MLYCD: variants seen among roughly 807,000 people sequenced by gnomAD.
The protein encoded by MLYCD is malonyl-CoA decarboxylase, mitochondrial.
A neutral mutation model predicts 35.8 loss-of-function variants in MLYCD; 27 were observed. That is an observed-to-expected ratio of 0.75 (90% CI 0.56 to 1.04). The LOEUF (loss-of-function observed/expected upper bound fraction) is 1.04. MLYCD is among the 50% of genes least tolerant of loss of function. The pLI is 0.00. For missense variants in MLYCD, 917 were observed against 665.1 expected (o/e 1.38, Z -4.17); for synonymous variants, 403 against 302.4 (o/e 1.33, Z -3.45).
At chr16:83,912,389 C>T in intron 4 of MLYCD, 22 bp downstream of exon 4, 2 of 1,613,904 alleles carry the variant, frequency 1.2e-6, no homozygotes, top group Non-Finnish European at 1.7e-6. Context: ...GCAGGGAGCC[C>T]CGGTCACGCT....
chr16:83,907,926 T>G (rs895985986), intron 2 of MLYCD, among the ~76,000 whole-genome samples, 200 bp from the exon 3 acceptor site: 2 of 152,236 alleles, frequency 1.3e-5, no homozygotes, highest in African/African-American at 4.8e-5. Context: ...CAATTTTGTG[T>G]GTAAAATGGT....
chr16:83,902,574 C>G (rs1906835524), intron 1 of MLYCD, among the ~76,000 whole-genome samples: 1 of 144,882 alleles, frequency 6.9e-6, no homozygotes, highest in African/African-American at 2.5e-5. Context: ...AGCACAATCT[C>G]TGCTCATTGC....
chr16:83,908,216 G>A lies in MLYCD; in HGVS notation c.732G>A (p.Ser244=), dbSNP rs2278038. The change falls in exon 3 of 5, where the codon TCG becomes TCA. Residue 244 remains serine (S), a synonymous_variant. Transcript: ENST00000262430. The part of the protein sequence containing the change: ...YRRCYFFSHC[S]TPGEPLVVLH... ...GGTGTTACTTCTTTTCTCACTGTTCGACCCCTGGGGAGCCCCTGGTCGTTT... is the reference window on the plus strand; with the variant it reads ...GGTGTTACTTCTTTTCTCACTGTTCAACCCCTGGGGAGCCCCTGGTCGTTT... 81,531 of 1,614,072 alleles carry A rather than the reference G, an allele frequency of 0.051. 2,628 individuals carry two copies. Among genetic ancestry groups the A allele is most frequent in the East Asian group, 0.14 (6,169 of 44,868 alleles).
intron 3 of MLYCD, 90 bp from the exon 4 acceptor site, chr16:83,912,128 G>A (rs1024744287): frequency 2.9e-5 from 45 of 1,572,908 alleles, no homozygotes; most frequent in South Asian, 2.6e-4. Flanking sequence ...TCAGTGCTCT[G>A]AGAATTGTCT....
At chr16:83,904,240 T>C (rs1402401913) in intron 1 of MLYCD, among the ~76,000 whole-genome samples, 2 of 152,182 alleles carry the variant, frequency 1.3e-5, no homozygotes, top group Admixed American at 1.3e-4. Flanking sequence ...AGAGCTCAGC[T>C]CATCCGTTCC....
chr16:83,901,745 A>C (rs1396019985), intron 1 of MLYCD, among the ~76,000 whole-genome samples: 1 of 152,236 alleles, frequency 6.6e-6, no homozygotes, highest in Non-Finnish European at 1.5e-5. Flanking sequence ...TGTTGAGAGA[A>C]AGGAGCTGGC....
chr16:83,915,709 A>G lies in MLYCD; in HGVS notation c.*220A>G, dbSNP rs576158206. On this transcript the variant is annotated 3_prime_UTR_variant, in exon 5 of 5. Transcript: ENST00000262430. ...ACGGTTGTGGGTGCGGGTGCACACA[A>G]ATGAGTGGGTTGCTGTGCTGTCTCC... The G allele has an allele frequency of 7.1e-5, 101 of 1,430,460 alleles. No homozygotes were observed. In the African/African-American group the frequency reaches 1.4e-3, roughly 19 times the overall value. The allele number at this position is 1,430,460 out of a possible 1,614,324, so 88.6% of individuals were successfully genotyped here. A position where few individuals can be genotyped will look rare whatever the true frequency, so the allele number is the denominator to read the frequency against.
intron 3 of MLYCD, among the ~76,000 whole-genome samples, chr16:83,910,690 CAA>C (rs113252752): frequency 4.8e-4 from 45 of 93,426 alleles, no homozygotes; most frequent in African/African-American, 3.3e-4. Flanking sequence ...GACTCCATCT[CAA>C]AAAAAAAAAA....
chr16:83,903,057 A>G (rs1906854090), intron 1 of MLYCD, among the ~76,000 whole-genome samples: 1 of 152,142 alleles, frequency 6.6e-6, no homozygotes. Flanking sequence ...AGTGAAACCG[A>G]GTCGAATCCC....
At chr16:83,912,448 A>G (rs1907214348) in intron 4 of MLYCD, 81 bp downstream of exon 4, 4 of 1,576,708 alleles carry the variant, frequency 2.5e-6, no homozygotes, top group Non-Finnish European at 3.5e-6. Context: ...GTCAGGTGCC[A>G]TGAGGGACAC....
intron 1 of MLYCD, among the ~76,000 whole-genome samples, chr16:83,902,531 A>G (rs1165280459): frequency 1.5e-5 from 2 of 130,270 alleles, no homozygotes; most frequent in Non-Finnish European, 3.2e-5. Flanking sequence ...TTTGAGACAG[A>G]GTCTTGCTCT....
rs1282001406 is a variant in MLYCD, at chr16:83,922,783, C to T, written c.*7294C>T. Reference sequence around the variant, plus strand: ...CATCCTGCTCACCTGAATGCGGGTTCTGGGATCTTTCAGTCCTTATTTGGA... The same window carrying T: ...CATCCTGCTCACCTGAATGCGGGTTTTGGGATCTTTCAGTCCTTATTTGGA... On this transcript the variant is annotated 3_prime_UTR_variant, in exon 5 of 5. Transcript: ENST00000262430. 1.3e-5 allele frequency: 2 copies of T among 152,298 alleles called. No homozygotes were observed. Among genetic ancestry groups the T allele is most frequent in the Non-Finnish European group, 2.9e-5 (2 of 68,074 alleles). 9.4% of individuals were successfully genotyped at this position (152,298 alleles called of 1,614,324 possible).
In MLYCD at chr16:83,915,086, G is replaced by A; in HGVS notation, c.1079G>A (p.Cys360Tyr). ...AATGAACTCTTTACAGATTCGGAAT[G>A]TAAGGAAATCTCGGAGATCACAGGT... is the stretch of plus-strand genomic sequence containing the variant. The part of the protein sequence containing the change: ...GRNELFTDSE[C>Y]KEISEITGGP... Residue 360 changes from cysteine to tyrosine, a missense_variant, in exon 5 of 5, where the codon TGT becomes TAT. By Grantham distance (194) the Cys-to-Tyr change is radical. Coordinates refer to ENST00000262430, the MANE Select transcript of MLYCD (RefSeq NM_012213.3). 6.2e-7 allele frequency: 1 copy of A among 1,614,256 alleles called. No individual in the cohort carries two copies. The highest frequency in any genetic ancestry group is 2.2e-5 in the East Asian group (1 of 44,880).
rs1907557152 is a variant in MLYCD at position 83,919,229 on chromosome 16, C to G, written c.*3740C>G. The G allele has an allele frequency of 6.9e-6, 1 of 145,436 alleles. No individual in the cohort carries two copies. Among genetic ancestry groups the G allele is most frequent in the Non-Finnish European group, 1.5e-5 (1 of 67,442 alleles). The allele number at this position is 145,436 out of a possible 1,614,324, so 9.0% of individuals were successfully genotyped here. Reference sequence around the variant, plus strand: ...GGAGAACACAGTGCACAGGAGAACACACACACACACTGCACAGGAGACCAT... The same window carrying G: ...GGAGAACACAGTGCACAGGAGAACAGACACACACACTGCACAGGAGACCAT... On this transcript the variant is annotated 3_prime_UTR_variant, in exon 5 of 5. Coordinates refer to ENST00000262430, the MANE Select transcript of MLYCD (RefSeq NM_012213.3).
chr16:83,899,326 C>T lies in MLYCD; in HGVS notation c.182C>T (p.Pro61Leu). 1 of 1,501,996 alleles carries T rather than the reference C, an allele frequency of 6.7e-7. No homozygotes were observed. The highest frequency in any genetic ancestry group is 8.8e-7 in the Non-Finnish European group (1 of 1,132,772). 93.0% of individuals were successfully genotyped at this position (1,501,996 alleles called of 1,614,324 possible). Residue 61 changes from proline to leucine, a missense_variant, in exon 1 of 5, where the codon CCG becomes CTG. Pro to Leu is a moderately conservative substitution (Grantham distance 98, BLOSUM62 -3). Coordinates refer to ENST00000262430, the MANE Select transcript of MLYCD (RefSeq NM_012213.3). ...TPAYELREKT[P>L]APAEGQCADF... ...GCCTACGAGCTGCGCGAGAAGACAC[C>T]GGCGCCCGCCGAGGGTCAGTGCGCG...
intron 1 of MLYCD, among the ~76,000 whole-genome samples, chr16:83,905,609 G>A (rs866183793): frequency 2.6e-5 from 4 of 152,142 alleles, no homozygotes; most frequent in Non-Finnish European, 5.9e-5. Context: ...CCATCACACC[G>A]CCTTCCAGTC....
At chr16:83,905,923 A>C (rs914787625) in intron 1 of MLYCD, among the ~76,000 whole-genome samples, 3 of 152,226 alleles carry the variant, frequency 2.0e-5, no homozygotes, top group Non-Finnish European at 4.4e-5. Context: ...CTCTTGCTGG[A>C]AAAGCTTCAG....
rs1174543413 is a variant in MLYCD, at chr16:83,915,763, G to A, written c.*274G>A. 3.0e-6 allele frequency: 4 copies of A among 1,335,676 alleles called. No individual in the cohort carries two copies. In the African/African-American group the frequency reaches 5.9e-5, roughly 20 times the overall value. 82.7% of individuals were successfully genotyped at this position (1,335,676 alleles called of 1,614,324 possible). ...AGATTCTGTCGTTGCCCTTGGCCTG[G>A]CTCCCTGCCCGGGGCTGGTGCTGTG... On this transcript the variant is annotated 3_prime_UTR_variant, in exon 5 of 5. Transcript: ENST00000262430.
chr16:83,902,909 T>G (rs1597288206), intron 1 of MLYCD, among the ~76,000 whole-genome samples: 1 of 152,078 alleles, frequency 6.6e-6, no homozygotes, highest in African/African-American at 2.4e-5. Context: ...AGTTTGGAGG[T>G]ATGTGTGTCC....
Sources: allele counts gnomAD v4.1 joint callset (sites outside exome capture counted in the v4.1 genomes callset), GRCh38; gene constraint gnomAD v4.1.1; transcripts MANE v1.5; gene names NCBI Gene and HGNC (gene_info 2026-07-23, HGNC 2026-07-21).